The following DPYSL2 variants were observed in gnomAD, a reference collection of about 807,000 sequenced individuals.
The protein encoded by DPYSL2 is dihydropyrimidinase-related protein 2.
In DPYSL2, 13 loss-of-function variants were observed where a neutral mutation model predicts 69.9. That is an observed-to-expected ratio of 0.19 (90% CI 0.12 to 0.30). The LOEUF is 0.30. Among genes scored for constraint, DPYSL2 ranks in the 10% least tolerant of loss-of-function variants. The pLI, the probability that DPYSL2 is intolerant of heterozygous loss-of-function variation, is 1.00. For missense variants in DPYSL2, 587 were observed against 918.9 expected, an observed-to-expected ratio of 0.64 and a Z score of 4.67; for synonymous variants, 326 against 359.1, an observed-to-expected ratio of 0.91 and a Z score of 1.04.
In DPYSL2 at chr8:26,653,185, T is replaced by C. The variant is rs1468424788; in HGVS notation, c.1777-47T>C. 18 of 1,594,528 alleles carry C rather than the reference T, an allele frequency of 1.1e-5. No homozygotes were observed. Among genetic ancestry groups the C allele is most frequent in the Non-Finnish European group, 1.5e-5 (18 of 1,168,680 alleles). On this transcript the variant is annotated intron_variant, in intron 12 of 13. Coordinates refer to ENST00000521913, the MANE Select transcript of DPYSL2 (RefSeq NM_001197293.3). The surrounding 1 kb of genome is among the most constrained non-coding windows in gnomAD (Gnocchi z 5.7). ...CTCCAGGAGGGTTTCTAGAGAGGTA[T>C]CCTCTGTGGCTGTGGCCTGAGCTGG... is the stretch of plus-strand genomic sequence containing the variant.
At position 26,514,352 on chromosome 8, in the gene DPYSL2, G is replaced by A. The variant is rs1808234542; in HGVS notation, c.27G>A (p.Lys9=). MAERKQSG[K]AAEDEEVPAF... is the part of the protein sequence containing the mutation. ...TGGCCGAGAGAAAGCAATCCGGGAA[G>A]GCGGCAGAGGACGAAGAGGTCCCTG... Residue 9 remains lysine (K), a synonymous_variant, in exon 1 of 14, where the codon AAG becomes AAA. Transcript: ENST00000521913. This position sits in a 1 kb window ranked among gnomAD's most constrained non-coding sequence, Gnocchi z 8.4. 6.8e-7 allele frequency: 1 copy of A among 1,477,544 alleles called. No individual in the cohort carries two copies. Among genetic ancestry groups the A allele is most frequent in the East Asian group, 2.6e-5 (1 of 37,990 alleles). 91.5% of individuals were successfully genotyped at this position (1,477,544 alleles called of 1,614,324 possible).
intron 1 of DPYSL2, among the ~76,000 whole-genome samples, chr8:26,527,564 C>G (rs2117607097): frequency 6.6e-6 from 1 of 152,196 alleles, no homozygotes; most frequent in East Asian, 1.9e-4. Context: ...TTCTTATTTT[C>G]TGGTGCAGAG....
chr8:26,627,303 G>A lies in DPYSL2; in HGVS notation c.936+8G>A. ...GGCGACATCATTGCAGAGGTACAGG[G>A]CTTTCTTTTTCGTCATTTCTTCATC... On this transcript the variant is annotated splice_region_variant and intron_variant, in intron 6 of 13. Transcript: ENST00000521913. This position sits in a 1 kb window ranked among gnomAD's most constrained non-coding sequence, Gnocchi z 6.9. The A allele has an allele frequency of 6.2e-7, 1 of 1,614,100 alleles. No individual in the cohort carries two copies. The highest frequency in any genetic ancestry group is 1.3e-5 in the African/African-American group (1 of 75,056).
At chr8:26,528,865 C>G (rs79235316) in intron 1 of DPYSL2, among the ~76,000 whole-genome samples, 1 of 151,870 alleles carries the variant, frequency 6.6e-6, no homozygotes, top group South Asian at 2.1e-4. Context: ...TTAGGGAGGC[C>G]AGTTTGGATA....
At chr8:26,622,155 T>TTCCCTCCC (rs1554544282) in intron 3 of DPYSL2, among the ~76,000 whole-genome samples, 27 of 69,028 alleles carry the variant, frequency 3.9e-4, no homozygotes, top group East Asian at 1.4e-3. Context: ...CCTTCCTTCC[T>TTCCCTCCC]TCCCTCTCTC....
chr8:26,557,447 G>A (rs1354972778), intron 1 of DPYSL2, among the ~76,000 whole-genome samples: 1 of 151,876 alleles, frequency 6.6e-6, no homozygotes, highest in African/African-American at 2.4e-5. Context: ...ATGTGAAAAG[G>A]TTCTCTGTGT....
chr8:26,581,457 T>C (rs1801492130), intron 1 of DPYSL2, among the ~76,000 whole-genome samples: 1 of 151,650 alleles, frequency 6.6e-6, no homozygotes, highest in Non-Finnish European at 1.5e-5. Flanking sequence ...CACTACAACC[T>C]CCGCCTGCTG....
At position 26,634,829 on chromosome 8, in the gene DPYSL2, A is replaced by G. The variant is rs565567744; in HGVS notation, c.1055A>G (p.Asn352Ser). The G allele has an allele frequency of 2.5e-6, 4 of 1,614,046 alleles. No homozygotes were observed. Among genetic ancestry groups the G allele is most frequent in the Non-Finnish European group, 3.4e-6 (4 of 1,180,032 alleles). Residue 352 changes from asparagine (N) to serine (S), a missense_variant, in exon 8 of 14, where the codon AAC becomes AGC. This residue lies in a region of DPYSL2 where 452 missense variants were observed against 754.3 expected (regional missense o/e 0.60). Coordinates refer to ENST00000521913, the MANE Select transcript of DPYSL2 (RefSeq NM_001197293.3). ...NRAITIANQT[N>S]CPLYITKVMS... ...GCCATCACCATCGCCAACCAGACCAACTGCCCGCTGTATATCACCAAGGTG... is the reference window on the plus strand; with the variant it reads ...GCCATCACCATCGCCAACCAGACCAGCTGCCCGCTGTATATCACCAAGGTG...
rs190994532 is a variant in DPYSL2, at chr8:26,643,209, G to T, written c.1127-230G>T. On this transcript the variant is annotated intron_variant, in intron 8 of 13. Transcript: ENST00000521913. This position sits in a 1 kb window ranked among gnomAD's most constrained non-coding sequence, Gnocchi z 6.5. ...TGGGATCCTATAGGGAGGGTGTGTT[G>T]TTTGAAGAGCAGGGGCTGAAGGTGG... is the stretch of plus-strand genomic sequence containing the variant. The T allele has an allele frequency of 2.1e-6, 1 of 472,072 alleles. No individual in the cohort carries two copies. Among genetic ancestry groups the T allele is most frequent in the East Asian group, 3.6e-5 (1 of 27,694 alleles). The allele number at this position is 472,072 out of a possible 1,614,324, so 29.2% of individuals were successfully genotyped here. A position where few individuals can be genotyped will look rare whatever the true frequency, so the allele number is the denominator to read the frequency against.
chr8:26,551,517 CT>C (rs1164296313), intron 1 of DPYSL2, among the ~76,000 whole-genome samples: 1 of 152,150 alleles, frequency 6.6e-6, no homozygotes, highest in African/African-American at 2.4e-5. Context: ...CTGTCAGTAA[CT>C]GACAGATCCA....
rs1182198108 is a variant in DPYSL2, at chr8:26,644,085, G to A, written c.1419G>A (p.Lys473=). ...TEERMSVIWD[K]AVVTGKMDEN... is the part of the protein sequence containing the mutation. The stretch of plus-strand genomic sequence containing the variant: ...AGCGGATGTCCGTCATCTGGGACAA[G>A]GCTGTGGTAAGGAGCGATGGCCTCA... The change falls in exon 10 of 14, where the codon AAG becomes AAA. Residue 473 remains lysine, a synonymous_variant. Coordinates refer to ENST00000521913, the MANE Select transcript of DPYSL2 (RefSeq NM_001197293.3). The surrounding 1 kb of genome is among the most constrained non-coding windows in gnomAD (Gnocchi z 4.5). The A allele has an allele frequency of 1.2e-6, 2 of 1,614,034 alleles. No individual in the cohort carries two copies. The highest frequency in any genetic ancestry group is 1.3e-5 in the African/African-American group (1 of 74,930).
chr8:26,646,813 G>A (rs570720331), intron 10 of DPYSL2, among the ~76,000 whole-genome samples: 1 of 151,964 alleles, frequency 6.6e-6, no homozygotes, highest in South Asian at 2.1e-4. Context: ...AACATAGTGA[G>A]ATCTGTCTCT....
Position 26,655,791 on chromosome 8 carries a change from TTTTTTG to T in DPYSL2, c.*91_*96del. ...GACTTCTTTCTTCCTTCCTTTTTTTTTTTTTGTTTTTTTTTTTAAGAGCCTGTGATA... is the reference window on the plus strand; with the variant it reads ...GACTTCTTTCTTCCTTCCTTTTTTTTTTTTTTTTTTTAAGAGCCTGTGATA... On this transcript the variant is annotated 3_prime_UTR_variant, in exon 14 of 14. Transcript: ENST00000521913. The T allele has an allele frequency of 7.9e-7, 1 of 1,263,436 alleles. No individual in the cohort carries two copies. Among genetic ancestry groups the T allele is most frequent in the Non-Finnish European group, 1.1e-6 (1 of 943,844 alleles). 78.3% of individuals were successfully genotyped at this position (1,263,436 alleles called of 1,614,324 possible). A position where few individuals can be genotyped will look rare whatever the true frequency, so the allele number is the denominator to read the frequency against.
At chr8:26,577,875 T>A (rs1442855917) in intron 1 of DPYSL2, 2 of 1,110,880 alleles carry the variant, frequency 1.8e-6, no homozygotes, top group East Asian at 1.7e-4. Flanking sequence ...AGCGGATGGC[T>A]TTTGCCTGAG....
chr8:26,592,229 A>G (rs1801742591), intron 3 of DPYSL2, among the ~76,000 whole-genome samples: 1 of 152,146 alleles, frequency 6.6e-6, no homozygotes, highest in Non-Finnish European at 1.5e-5. Flanking sequence ...TGTTGCGATC[A>G]TAGCTCACTG....
At position 26,556,308 on chromosome 8, in the gene DPYSL2, A is replaced by G. The variant is rs565087580; in HGVS notation, c.355-25661A>G. On this transcript the variant is annotated intron_variant, in intron 1 of 13. Transcript: ENST00000521913. ...ATAATATATATAGTATATATATAGT[A>G]TATATATACTATATATATAGTATAT... Among the ~76,000 whole-genome samples, 8 of 33,512 alleles carry G rather than the reference A, an allele frequency of 2.4e-4. 2 individuals carry two copies. The highest frequency in any genetic ancestry group is 9.7e-4 in the South Asian group (1 of 1,030). The allele number at this position is 33,512 out of a possible 152,430, so 22.0% of individuals were successfully genotyped here.
rs549333799 is a variant in DPYSL2, at chr8:26,624,751, G to T, written c.793+444G>T. Among the ~76,000 whole-genome samples, 5 of 152,274 alleles carry T rather than the reference G, an allele frequency of 3.3e-5. No homozygotes were observed. The highest frequency in any genetic ancestry group is 1.2e-4 in the African/African-American group (5 of 41,566). ...GGATGGATCTAGGATAGATTTGAGG[G>T]CTATGAGACACTTCAAAACTGAGTG... is the stretch of plus-strand genomic sequence containing the variant. On this transcript the variant is annotated intron_variant, in intron 4 of 13. Transcript: ENST00000521913. This position sits in a 1 kb window ranked among gnomAD's most constrained non-coding sequence, Gnocchi z 4.7.
rs1406021700 is a variant in DPYSL2 at position 26,527,804 on chromosome 8, C to T, written c.354+13125C>T. On this transcript the variant is annotated intron_variant, in intron 1 of 13. Transcript: ENST00000521913. ...AATGTATGGTTCTTATTTGTTTATC[C>T]TTTTTTTTTTTTTTTTTAGATGGAG... 3.2e-4 allele frequency among the ~76,000 whole-genome samples: 42 copies of T among 132,686 alleles called. 1 individual carries two copies. Among genetic ancestry groups the T allele is most frequent in the Admixed American group, 1.6e-3 (20 of 12,522 alleles). The allele number at this position is 132,686 out of a possible 152,430, so 87.0% of individuals were successfully genotyped here.
In DPYSL2 at chr8:26,571,042, G is replaced by T. The variant is rs56807374; in HGVS notation, c.355-10927G>T. Among the ~76,000 whole-genome samples the T allele has an allele frequency of 3.3e-5, 5 of 152,310 alleles. No homozygotes were observed. In the East Asian group the frequency reaches 9.7e-4, roughly 29 times the overall value. ...TTTCCAGAAGGCAGACAAGTGGAAT[G>T]AGAGGGATAATATTTACCACTCTTT... On this transcript the variant is annotated intron_variant, in intron 1 of 13. Coordinates refer to ENST00000521913, the MANE Select transcript of DPYSL2 (RefSeq NM_001197293.3). This position sits in a 1 kb window ranked among gnomAD's most constrained non-coding sequence, Gnocchi z 6.1.
Sources: gnomAD v4.1 joint callset for allele counts (sites outside exome capture counted in the v4.1 genomes callset) on GRCh38, gnomAD v4.1.1 for gene constraint, gnomAD v4.1.1 regional missense constraint, Gnocchi (gnomAD v3.1) non-coding constraint, MANE v1.5 for transcripts, NCBI Gene and HGNC (gene_info 2026-07-23, HGNC 2026-07-21) for gene names.